RFX6: variants seen among roughly 807,000 people sequenced by gnomAD.
The protein encoded by RFX6 is regulatory factor X6, also known as DNA-binding protein RFX6.
In RFX6, 50 loss-of-function variants were observed where a neutral mutation model predicts 110.8. The observed-to-expected ratio is 0.45, with a 90% confidence interval of 0.36 to 0.57. RFX6 has a LOEUF of 0.57. RFX6 is among the 20% of genes least tolerant of loss of function. RFX6 has a pLI of 0.00. For synonymous variants in RFX6, 383 were observed against 411.2 expected (o/e 0.93, Z 0.83); for missense variants, 990 against 1,127.0 (o/e 0.88, Z 1.74).
chr6:116,924,848 A>G, intron 15 of RFX6, 57 bp downstream of exon 15: 1 of 1,253,160 alleles, frequency 8.0e-7, no homozygotes, highest in Admixed American at 1.7e-5. Context: ...CTTAAGTTCA[A>G]GAATTTATAA....
intron 6 of RFX6, among the ~76,000 whole-genome samples, chr6:116,904,311 A>G (rs375884298): frequency 3.3e-5 from 5 of 152,092 alleles, no homozygotes; most frequent in East Asian, 3.9e-4. Context: ...TCTTCCTGTT[A>G]GTGGCATGAC....
At chr6:116,882,540 G>A in intron 4 of RFX6, 112 bp downstream of exon 4, 1 of 739,752 alleles carries the variant, frequency 1.4e-6, no homozygotes, top group Non-Finnish European at 2.4e-6. Context: ...TTCTCTTGAT[G>A]AAGCAGACTT....
rs1240052577 is a variant in RFX6, at chr6:116,897,856, C to A, written c.672+2649C>A. On this transcript the variant is annotated intron_variant, in intron 6 of 18. Transcript: ENST00000332958. ...TTTGATGTGTTTGTGAAACATTTAACACAAATTTTAAGTGGGAAGTTGGAT... is the reference window on the plus strand; with the variant it reads ...TTTGATGTGTTTGTGAAACATTTAAAACAAATTTTAAGTGGGAAGTTGGAT... Among the ~76,000 whole-genome samples, 6 of 152,182 alleles carry A rather than the reference C, an allele frequency of 3.9e-5. No homozygotes were observed. The East Asian group carries it at 9.7e-4, about 24-fold the overall frequency.
chr6:116,929,189 G>T (rs1484337048), intron 18 of RFX6, among the ~76,000 whole-genome samples: 1 of 152,026 alleles, frequency 6.6e-6, no homozygotes, highest in African/African-American at 2.4e-5. Context: ...GCAACCTACT[G>T]CTAGATCTGT....
Position 116,919,122 on chromosome 6 carries a change from T to C in RFX6, c.1023-15T>C, listed in dbSNP as rs1439997024. On this transcript the variant is annotated splice_polypyrimidine_tract_variant and intron_variant, in intron 10 of 18. Coordinates refer to ENST00000332958, the MANE Select transcript of RFX6 (RefSeq NM_173560.4). ...TTTTAACAATGAAGCATTTAACACATAGCCTTCTTTGTAGCTTATTAGCAG... is the reference window on the plus strand; with the variant it reads ...TTTTAACAATGAAGCATTTAACACACAGCCTTCTTTGTAGCTTATTAGCAG... The C allele has an allele frequency of 2.5e-6, 4 of 1,609,778 alleles. No individual in the cohort carries two copies. Among genetic ancestry groups the C allele is most frequent in the East Asian group, 4.5e-5 (2 of 44,798 alleles).
At chr6:116,896,497 A>G (rs899757275) in intron 6 of RFX6, among the ~76,000 whole-genome samples, 4 of 152,238 alleles carry the variant, frequency 2.6e-5, no homozygotes, top group Admixed American at 2.6e-4. Flanking sequence ...AAATATTTTC[A>G]TAACACAATT....
intron 6 of RFX6, among the ~76,000 whole-genome samples, chr6:116,905,297 C>T (rs1207509588): frequency 1.3e-5 from 2 of 152,072 alleles, no homozygotes; most frequent in African/African-American, 4.8e-5. Context: ...ATGATTGTAA[C>T]ATTGAGCATA....
At chr6:116,917,954 A>G (rs894680341) in intron 9 of RFX6, 83 bp from the exon 10 acceptor site, 5 of 929,356 alleles carry the variant, frequency 5.4e-6, no homozygotes, top group Middle Eastern at 2.7e-4. Flanking sequence ...GAAGCTAGGA[A>G]TAAAAAGTAG....
chr6:116,878,055 T>C, intron 2 of RFX6, 103 bp downstream of exon 2: 1 of 1,255,592 alleles, frequency 8.0e-7, no homozygotes. Flanking sequence ...CTCAAACTTT[T>C]TGGGAAAGTT....
chr6:116,926,997 C>G (rs1352602794), intron 16 of RFX6, 30 bp from the exon 17 acceptor site: 1 of 1,591,232 alleles, frequency 6.3e-7, no homozygotes, highest in South Asian at 1.1e-5. Context: ...TAATATGACA[C>G]TAAAGGAATG....
intron 6 of RFX6, among the ~76,000 whole-genome samples, chr6:116,899,685 T>C (rs955937401): frequency 1.1e-4 from 17 of 152,312 alleles, no homozygotes; most frequent in African/African-American, 2.4e-4. Flanking sequence ...TCACAACTTA[T>C]GTGAATTTCA....
Position 116,913,284 on chromosome 6 carries a change from A to G in RFX6, c.780+2242A>G, listed in dbSNP as rs529803939. Among the ~76,000 whole-genome samples the G allele has an allele frequency of 7.2e-5, 11 of 152,000 alleles. No individual in the cohort carries two copies. The South Asian group carries it at 2.1e-3, about 29-fold the overall frequency. On this transcript the variant is annotated intron_variant, in intron 7 of 18. Transcript: ENST00000332958. ...CCTATGCTGGCCAGGCTTGTCTCGA[A>G]CTCCTGACCTCAAGTAATCCACCTG...
chr6:116,892,095 T>A (rs1303140895), intron 4 of RFX6, among the ~76,000 whole-genome samples: 1 of 152,214 alleles, frequency 6.6e-6, no homozygotes, highest in East Asian at 1.9e-4. Flanking sequence ...CACCATATAT[T>A]ATTGTTTCCC....
intron 6 of RFX6, among the ~76,000 whole-genome samples, chr6:116,896,426 A>T (rs1774945210): frequency 6.6e-6 from 1 of 152,240 alleles, no homozygotes; most frequent in Admixed American, 6.5e-5. Context: ...TATAGAAATT[A>T]ACACAACTAA....
chr6:116,877,440 C>A lies in RFX6; in HGVS notation c.165C>A (p.Gly55=). ...VYLAAEGQPG[G]EQGGGEKGED... ...TGGCGGCCGAAGGGCAGCCCGGGGGCGAGCAGGGCGGCGGGGAGAAAGGCG... is the reference window on the plus strand; with the variant it reads ...TGGCGGCCGAAGGGCAGCCCGGGGGAGAGCAGGGCGGCGGGGAGAAAGGCG... Residue 55 remains glycine (G), a synonymous_variant, in exon 1 of 19, where the codon GGC becomes GGA. Coordinates refer to ENST00000332958, the MANE Select transcript of RFX6 (RefSeq NM_173560.4). 2.5e-6 allele frequency: 4 copies of A among 1,587,382 alleles called. No homozygotes were observed. The highest frequency in any genetic ancestry group is 3.4e-6 in the Non-Finnish European group (4 of 1,166,358).
intron 7 of RFX6, among the ~76,000 whole-genome samples, chr6:116,912,849 T>TGC (rs34687050): frequency 6.6e-6 from 1 of 151,760 alleles, no homozygotes; most frequent in Non-Finnish European, 1.5e-5. Flanking sequence ...GAAAGACTGG[T>TGC]CTGTAGATCA....
intron 18 of RFX6, among the ~76,000 whole-genome samples, chr6:116,930,550 TGACA>T (rs770689578): frequency 1.3e-5 from 2 of 152,028 alleles, no homozygotes; most frequent in African/African-American, 2.4e-5. Context: ...TAGAGTAAAA[TGACA>T]GACAGTAAAG....
At chr6:116,902,806 T>A (rs76079032) in intron 6 of RFX6, among the ~76,000 whole-genome samples, 4,461 of 152,136 alleles carry the variant, frequency 0.029, 106 homozygotes, top group South Asian at 0.08. Flanking sequence ...CCCTCCTTGG[T>A]ATATGCTTTT....
At position 116,877,482 on chromosome 6, in the gene RFX6, G is replaced by A. The variant is rs748432407; in HGVS notation, c.207G>A (p.Pro69=). 2 of 1,558,932 alleles carry A rather than the reference G, an allele frequency of 1.3e-6. No individual in the cohort carries two copies. The highest frequency in any genetic ancestry group is 1.4e-5 in the African/African-American group (1 of 73,490). The change falls in exon 1 of 19, where the codon CCG becomes CCA. Residue 69 remains proline (P), a synonymous_variant. Coordinates refer to ENST00000332958, the MANE Select transcript of RFX6 (RefSeq NM_173560.4). ...GGEKGEDPEL[P]GAVKSEMHLN... ...AGAAAGGCGAAGACCCGGAGCTGCC[G>A]GGGGCAGTGAAATCAGGTGAGTGCT...
Sources: allele counts gnomAD v4.1 joint callset (sites outside exome capture counted in the v4.1 genomes callset), GRCh38; gene constraint gnomAD v4.1.1; transcripts MANE v1.5; gene names NCBI Gene and HGNC (gene_info 2026-07-23, HGNC 2026-07-21).